CNTNAP4: variants seen among roughly 807,000 people sequenced by gnomAD.
CNTNAP4 encodes contactin-associated protein-like 4.
Under a neutral mutation model 148.4 loss-of-function variants are expected in CNTNAP4, and 98 were observed. The observed-to-expected ratio is 0.66, with a 90% CI of 0.56 to 0.78. CNTNAP4 has a LOEUF of 0.78. Ranked by LOEUF, CNTNAP4 falls within the 30% of genes least tolerant of loss-of-function variation. The probability of loss-of-function intolerance (pLI) is 0.00; values close to 1 mark genes in which losing one functional copy is unlikely to be tolerated. For synonymous variants in CNTNAP4, 730 were observed against 565.1 expected (o/e 1.29, Z -4.14); for missense variants, 1,935 against 1,565.6 (o/e 1.24, Z -3.98).
At chr16:76,300,144 A>C (rs550682962) in intron 1 of CNTNAP4, among the ~76,000 whole-genome samples, 25 of 152,106 alleles carry the variant, frequency 1.6e-4, no homozygotes, top group Admixed American at 7.9e-4. Context: ...TAAAAGTATA[A>C]TAATAATAAA....
At chr16:76,534,403 C>T (rs1452844621) in intron 17 of CNTNAP4, among the ~76,000 whole-genome samples, 1 of 152,170 alleles carries the variant, frequency 6.6e-6, no homozygotes, top group East Asian at 1.9e-4. Flanking sequence ...ATACAAGGTC[C>T]TGGTGATGAG....
intron 3 of CNTNAP4, among the ~76,000 whole-genome samples, chr16:76,384,173 A>T (rs566937000): frequency 8.7e-4 from 132 of 151,950 alleles, no homozygotes; most frequent in African/African-American, 3.0e-3. Context: ...CCTCCTGAGT[A>T]GCTGGGATTA....
chr16:76,540,892 G>T (rs917948902), intron 21 of CNTNAP4, 102 bp downstream of exon 21: 20 of 729,904 alleles, frequency 2.7e-5, no homozygotes, highest in Non-Finnish European at 4.3e-5. Flanking sequence ...CATGGCAAAG[G>T]AAATCCCTTG....
At chr16:76,470,482 A>ATTAATATATATATATATATATATATATAT (rs146482811) in intron 10 of CNTNAP4, among the ~76,000 whole-genome samples, 1 of 96,972 alleles carries the variant, frequency 1.0e-5, no homozygotes, top group African/African-American at 4.7e-5. Context: ...CTCTACTAAT[A>ATTAATATATATATATATATATATATATAT]ATATATATAT....
At chr16:76,525,498 G>A (rs1443537991) in intron 17 of CNTNAP4, among the ~76,000 whole-genome samples, 1 of 147,398 alleles carries the variant, frequency 6.8e-6, no homozygotes, top group Non-Finnish European at 1.5e-5. Context: ...ACTATATATA[G>A]TTTTTATAGT....
chr16:76,422,807 A>C (rs2079237047), intron 3 of CNTNAP4, among the ~76,000 whole-genome samples: 1 of 152,196 alleles, frequency 6.6e-6, no homozygotes, highest in Admixed American at 6.5e-5. Context: ...GCTATGTCTG[A>C]TGCTGAGCCC....
chr16:76,498,008 A>G (rs1420229565), intron 14 of CNTNAP4, among the ~76,000 whole-genome samples: 2 of 152,226 alleles, frequency 1.3e-5, no homozygotes, highest in Non-Finnish European at 2.9e-5. Context: ...TGTCCATTGA[A>G]TTAAAAAATC....
chr16:76,480,196 A>T (rs1408870508), intron 12 of CNTNAP4, among the ~76,000 whole-genome samples: 2 of 152,204 alleles, frequency 1.3e-5, no homozygotes, highest in African/African-American at 4.8e-5. Flanking sequence ...CTCACTATTC[A>T]TAGATAATCA....
chr16:76,290,536 G>C (rs1445685887), intron 1 of CNTNAP4, among the ~76,000 whole-genome samples: 1 of 152,060 alleles, frequency 6.6e-6, no homozygotes, highest in Non-Finnish European at 1.5e-5. Flanking sequence ...TGTCCTGCTT[G>C]CTTCTTGGTA....
intron 7 of CNTNAP4, 106 bp from the exon 8 acceptor site, chr16:76,452,399 AGTT>A: frequency 9.7e-7 from 1 of 1,029,354 alleles, no homozygotes; most frequent in South Asian, 1.5e-5. Flanking sequence ...GATAGCAGGC[AGTT>A]GTTTTAAATC....
intron 2 of CNTNAP4, among the ~76,000 whole-genome samples, chr16:76,353,212 T>C (rs2012081278): frequency 6.6e-6 from 1 of 152,140 alleles, no homozygotes; most frequent in Non-Finnish European, 1.5e-5. Context: ...TGAACAATGA[T>C]TCACTTGAAG....
At chr16:76,522,314 C>A in intron 17 of CNTNAP4, 57 bp downstream of exon 17, 2 of 1,423,522 alleles carry the variant, frequency 1.4e-6, no homozygotes, top group Non-Finnish European at 2.0e-6. Context: ...AGAAATGGCC[C>A]AAGATAAAAT....
At chr16:76,518,590 A>G (rs1288357358) in intron 15 of CNTNAP4, among the ~76,000 whole-genome samples, 1 of 146,014 alleles carries the variant, frequency 6.8e-6, no homozygotes, top group African/African-American at 2.6e-5. Flanking sequence ...ATTTTGTTAC[A>G]TGCATAGAAT....
chr16:76,307,502 G>GTATATATATA (rs1960598319), intron 1 of CNTNAP4, among the ~76,000 whole-genome samples: 1 of 41,296 alleles, frequency 2.4e-5, no homozygotes, highest in Non-Finnish European at 4.1e-5. Flanking sequence ...TATTTTAAAT[G>GTATATATATA]CATATATATA....
At chr16:76,408,396 A>AATAT (rs1372211964) in intron 3 of CNTNAP4, among the ~76,000 whole-genome samples, 1 of 122,938 alleles carries the variant, frequency 8.1e-6, no homozygotes, top group East Asian at 2.5e-4. Context: ...AACAGTTGTT[A>AATAT]ATCTATTAAC....
At chr16:76,457,367 A>G (rs1449461624) in intron 8 of CNTNAP4, among the ~76,000 whole-genome samples, 1 of 152,252 alleles carries the variant, frequency 6.6e-6, no homozygotes, top group Non-Finnish European at 1.5e-5. Context: ...TGTTTGTTAC[A>G]AAGGAGGCTT....
intron 21 of CNTNAP4, among the ~76,000 whole-genome samples, chr16:76,549,477 A>G (rs1204898542): frequency 2.0e-5 from 3 of 152,168 alleles, no homozygotes; most frequent in Non-Finnish European, 4.4e-5. Context: ...TAAAAAGTAA[A>G]CTAACAAACC....
chr16:76,464,663 C>G (rs2081114198), intron 9 of CNTNAP4, among the ~76,000 whole-genome samples: 1 of 152,182 alleles, frequency 6.6e-6, no homozygotes, highest in African/African-American at 2.4e-5. Context: ...CTGGGCTGTT[C>G]CAACAGCCCG....
intron 17 of CNTNAP4, among the ~76,000 whole-genome samples, chr16:76,523,744 G>C (rs1490942091): frequency 1.3e-5 from 2 of 152,090 alleles, no homozygotes; most frequent in African/African-American, 4.8e-5. Context: ...GGGAAACACA[G>C]CAAGATCCAT....
Sources: allele counts gnomAD v4.1 joint callset (sites outside exome capture counted in the v4.1 genomes callset), GRCh38; gene constraint gnomAD v4.1.1; transcripts MANE v1.5; gene names NCBI Gene and HGNC (gene_info 2026-07-23, HGNC 2026-07-21).